Variants in RAB28 observed in about 807,000 individuals in gnomAD.
RAB28 encodes the protein RAB28, member RAS oncogene family.
In RAB28, 24 loss-of-function variants were observed where a neutral mutation model predicts 31.7. The ratio of observed to expected loss-of-function variants is 0.76; its 90% CI spans 0.55 to 1.06. The LOEUF (loss-of-function observed/expected upper bound fraction) is 1.06. Ranked by LOEUF, RAB28 falls within the 50% of genes least tolerant of loss-of-function variation. The pLI is 0.00. For missense variants in RAB28, 254 were observed against 258.5 expected (o/e 0.98, Z 0.12); for synonymous variants, 100 against 90.4 (o/e 1.11, Z -0.60).
intron 4 of RAB28, among the ~76,000 whole-genome samples, chr4:13,459,476 C>G (rs73231518): frequency 0.014 from 2,101 of 152,256 alleles, 24 homozygotes; most frequent in Middle Eastern, 0.044. Flanking sequence ...TGTTGTTAAA[C>G]AACACATGAC....
rs766054897 is a variant in RAB28 at position 13,369,966 on chromosome 4, C to T, written c.574-1316G>A. On this transcript the variant is annotated intron_variant, in intron 6 of 6. Transcript: ENST00000330852. ...TCACTATTTCTGCCCTGACAATACG[C>T]TGTCAATTCCATACAACATAAATGA... 25 of 1,609,986 alleles carry T rather than the reference C, an allele frequency of 1.6e-5. No individual in the cohort carries two copies. Among genetic ancestry groups the T allele is most frequent in the Non-Finnish European group, 2.0e-5 (24 of 1,178,734 alleles).
intron 4 of RAB28, among the ~76,000 whole-genome samples, chr4:13,451,560 T>C (rs985234564): frequency 2.0e-5 from 3 of 151,780 alleles, no homozygotes; most frequent in African/African-American, 7.2e-5. Flanking sequence ...GTTTCCTTTG[T>C]CATTTAGAAG....
At chr4:13,479,071 A>C (rs1350607494) in intron 2 of RAB28, among the ~76,000 whole-genome samples, 1 of 151,760 alleles carries the variant, frequency 6.6e-6, no homozygotes, top group Non-Finnish European at 1.5e-5. Context: ...ATATTTTAAA[A>C]AATAATCCTT....
At chr4:13,403,796 A>C (rs1488411019) in intron 4 of RAB28, among the ~76,000 whole-genome samples, 1 of 152,212 alleles carries the variant, frequency 6.6e-6, no homozygotes, top group Non-Finnish European at 1.5e-5. Context: ...TTTAAAATCT[A>C]AGAAAATTGA....
chr4:13,380,356 A>G (rs1452018825), intron 5 of RAB28, among the ~76,000 whole-genome samples: 1 of 152,118 alleles, frequency 6.6e-6, no homozygotes, highest in Non-Finnish European at 1.5e-5. Flanking sequence ...AAAAATGTCA[A>G]CTGGAAAAAT....
intron 4 of RAB28, among the ~76,000 whole-genome samples, chr4:13,420,563 T>A (rs1048292614): frequency 6.6e-6 from 1 of 152,006 alleles, no homozygotes; most frequent in African/African-American, 2.4e-5. Flanking sequence ...TCCACCAAGA[T>A]CAAGTCGGCT....
chr4:13,440,560 C>T (rs1323394135), intron 4 of RAB28, among the ~76,000 whole-genome samples: 10 of 152,020 alleles, frequency 6.6e-5, no homozygotes, highest in South Asian at 4.2e-4. Context: ...TTGGTTTCCT[C>T]GTTAGAAAAT....
intron 4 of RAB28, among the ~76,000 whole-genome samples, chr4:13,422,528 GA>G (rs1713223727): frequency 6.6e-6 from 1 of 151,888 alleles, no homozygotes; most frequent in Admixed American, 6.5e-5. Context: ...ACCAGATTAA[GA>G]AAATGTGGCA....
At chr4:13,395,640 G>A (rs911791213) in intron 4 of RAB28, among the ~76,000 whole-genome samples, 2 of 140,492 alleles carry the variant, frequency 1.4e-5, no homozygotes, top group Non-Finnish European at 3.1e-5. Context: ...GGGAGAGAAC[G>A]AACAGTCTTA....
At chr4:13,438,300 G>A (rs1283158638) in intron 4 of RAB28, among the ~76,000 whole-genome samples, 1 of 152,102 alleles carries the variant, frequency 6.6e-6, no homozygotes, top group Non-Finnish European at 1.5e-5. Flanking sequence ...ATATCATAAA[G>A]TTGAACATTT....
intron 4 of RAB28, among the ~76,000 whole-genome samples, chr4:13,432,725 A>G (rs1020356070): frequency 6.6e-6 from 1 of 152,168 alleles, no homozygotes; most frequent in African/African-American, 2.4e-5. Flanking sequence ...GTTTTTCTAG[A>G]CAAGTAAACA....
At chr4:13,421,691 T>A (rs1420314553) in intron 4 of RAB28, among the ~76,000 whole-genome samples, 1 of 152,182 alleles carries the variant, frequency 6.6e-6, no homozygotes, top group Non-Finnish European at 1.5e-5. Context: ...GAAAACTGGT[T>A]AGCCATATGT....
rs377276916 is a variant in RAB28, at chr4:13,418,626, C to G, written c.392-37032G>C. Reference sequence around the variant, plus strand: ...CATTCTTAAAGAAAAGAATTTTCAACCCAGAATTTCATATCCAGCCAAACT... The same window carrying G: ...CATTCTTAAAGAAAAGAATTTTCAAGCCAGAATTTCATATCCAGCCAAACT... On this transcript the variant is annotated intron_variant, in intron 4 of 6. Transcript: ENST00000330852. Among the ~76,000 whole-genome samples, 18 of 152,280 alleles carry G rather than the reference C, an allele frequency of 1.2e-4. 1 individual carries two copies. The East Asian group carries it at 2.3e-3, about 20-fold the overall frequency.
In RAB28 at chr4:13,377,312, T is replaced by C. The variant is rs561904383; in HGVS notation, c.496-690A>G. On this transcript the variant is annotated intron_variant, in intron 5 of 6. Transcript: ENST00000330852. ...CTGACATTTACTGTAGTATAACTTA[T>C]CTTTTCTTCATAAATGTCCTACCAT... Among the ~76,000 whole-genome samples the C allele has an allele frequency of 1.3e-4, 20 of 152,360 alleles. 1 individual carries two copies. In the Middle Eastern group the frequency reaches 0.02, roughly 155 times the overall value.
intron 4 of RAB28, among the ~76,000 whole-genome samples, chr4:13,413,881 T>C (rs970429145): frequency 6.6e-6 from 1 of 152,176 alleles, no homozygotes; most frequent in African/African-American, 2.4e-5. Context: ...AGACAAGAAC[T>C]ATAGCTTGCC....
chr4:13,441,109 C>T (rs1387334224), intron 4 of RAB28, among the ~76,000 whole-genome samples: 1 of 152,074 alleles, frequency 6.6e-6, no homozygotes, highest in African/African-American at 2.4e-5. Flanking sequence ...CTTTTGTAGA[C>T]TTAAAGTCTT....
Position 13,368,104 on chromosome 4 carries a change from C to G in RAB28, c.*454G>C. 1.0e-6 allele frequency: 1 copy of G among 982,102 alleles called. No homozygotes were observed. Among genetic ancestry groups the G allele is most frequent in the Non-Finnish European group, 1.2e-6 (1 of 826,922 alleles). 60.8% of individuals were successfully genotyped at this position (982,102 alleles called of 1,614,324 possible). On this transcript the variant is annotated 3_prime_UTR_variant, in exon 7 of 7. Coordinates refer to ENST00000330852, the MANE Select transcript of RAB28 (RefSeq NM_001017979.3). ...AGCGAAAGAATGTCTTCATAAGTAT[C>G]TGTAGGTAAAATATATTACTTGCTT...
chr4:13,479,563 A>C, intron 1 of RAB28, 37 bp from the exon 2 acceptor site: 2 of 1,305,858 alleles, frequency 1.5e-6, no homozygotes, highest in Non-Finnish European at 2.2e-6. Context: ...AAATTAATTC[A>C]TTAAAGAAAT....
intron 4 of RAB28, among the ~76,000 whole-genome samples, chr4:13,400,260 A>G (rs1330309300): frequency 6.6e-6 from 1 of 152,180 alleles, no homozygotes; most frequent in African/African-American, 2.4e-5. Context: ...GTAAGTCTTG[A>G]TAACTGGCAT....
Sources: allele counts gnomAD v4.1 joint callset (sites outside exome capture counted in the v4.1 genomes callset), GRCh38; gene constraint gnomAD v4.1.1; transcripts MANE v1.5; gene names NCBI Gene and HGNC (gene_info 2026-07-23, HGNC 2026-07-21).